The following PRKCA variants were observed in gnomAD, a reference collection of about 807,000 sequenced individuals.
PRKCA encodes protein kinase C alpha type.
In PRKCA, 27 loss-of-function variants were observed where a neutral mutation model predicts 87.0. The ratio of observed to expected loss-of-function variants is 0.31; its 90% CI spans 0.23 to 0.43. The LOEUF is 0.43. PRKCA is among the 20% of genes least tolerant of loss of function. PRKCA has a pLI of 1.00. For synonymous variants in PRKCA, 329 were observed against 311.1 expected, an observed-to-expected ratio of 1.06 and a Z score of -0.61; for missense variants, 518 against 852.3, an observed-to-expected ratio of 0.61 and a Z score of 4.88.
At chr17:66,743,707 G>A (rs1974206440) in intron 13 of PRKCA, among the ~76,000 whole-genome samples, 1 of 152,186 alleles carries the variant, frequency 6.6e-6, no homozygotes, top group Non-Finnish European at 1.5e-5. Context: ...ACCCAGCATG[G>A]TGGAGACCAA....
In PRKCA at chr17:66,798,417, T is replaced by C. The variant is rs1568040754; in HGVS notation, c.1855-5456T>C. 5.3e-4 allele frequency among the ~76,000 whole-genome samples: 57 copies of C among 106,998 alleles called. 2 individuals are homozygous for C. Among genetic ancestry groups the C allele is most frequent in the Non-Finnish European group, 8.4e-4 (42 of 49,928 alleles). The allele number at this position is 106,998 out of a possible 152,430, so 70.2% of individuals were successfully genotyped here. ...GTGGTGGTGGTGGTGATGGTGATGG[T>C]GGTGGTGGTGGTGGTGACGGTGGTG... On this transcript the variant is annotated intron_variant, in intron 16 of 16. Coordinates refer to ENST00000413366, the MANE Select transcript of PRKCA (RefSeq NM_002737.3).
intron 2 of PRKCA, among the ~76,000 whole-genome samples, chr17:66,350,040 G>GA (rs1907644590): frequency 6.6e-6 from 1 of 152,180 alleles, no homozygotes; most frequent in East Asian, 1.9e-4. Flanking sequence ...AATGGGCAGT[G>GA]AAAAAAGATA....
At chr17:66,729,700 C>T (rs1447770113) in intron 8 of PRKCA, among the ~76,000 whole-genome samples, 1 of 151,882 alleles carries the variant, frequency 6.6e-6, no homozygotes, top group Non-Finnish European at 1.5e-5. Flanking sequence ...GTTTTAATGT[C>T]TCTGGTCAAA....
chr17:66,451,411 T>C (rs1914312919), intron 2 of PRKCA, among the ~76,000 whole-genome samples: 1 of 151,956 alleles, frequency 6.6e-6, no homozygotes, highest in South Asian at 2.1e-4. Flanking sequence ...CAGTGGAAGA[T>C]GCTTTTTGAT....
chr17:66,714,096 C>G (rs1048953748), intron 8 of PRKCA, among the ~76,000 whole-genome samples: 1 of 152,208 alleles, frequency 6.6e-6, no homozygotes, highest in African/African-American at 2.4e-5. Context: ...CAAAGCCCAG[C>G]AGTTGCAGCT....
intron 16 of PRKCA, among the ~76,000 whole-genome samples, chr17:66,795,122 T>C (rs1269517792): frequency 1.3e-5 from 2 of 152,202 alleles, no homozygotes; most frequent in African/African-American, 4.8e-5. Context: ...TAATTCCATG[T>C]GTATTTCCTG....
chr17:66,514,197 G>C (rs1352105230), intron 3 of PRKCA, among the ~76,000 whole-genome samples: 1 of 152,134 alleles, frequency 6.6e-6, no homozygotes, highest in Admixed American at 6.6e-5. Flanking sequence ...TATAGGGTTT[G>C]GTACTAGCCA....
intron 8 of PRKCA, among the ~76,000 whole-genome samples, chr17:66,694,140 C>T (rs16960048): frequency 0.01 from 1,566 of 152,196 alleles, 16 homozygotes; most frequent in African/African-American, 0.036. Flanking sequence ...CTTCTCGATT[C>T]AATGGTTTGA....
At chr17:66,425,954 A>T (rs1049366209) in intron 2 of PRKCA, among the ~76,000 whole-genome samples, 2 of 152,178 alleles carry the variant, frequency 1.3e-5, no homozygotes, top group East Asian at 3.9e-4. Flanking sequence ...CTCCGTGACC[A>T]TGCTTTGTGG....
Position 66,488,044 on chromosome 17 carries a change from C to T in PRKCA, c.206-8157C>T, listed in dbSNP as rs73334751. Among the ~76,000 whole-genome samples, 273 of 152,232 alleles carry T rather than the reference C, an allele frequency of 1.8e-3. 1 individual carries two copies. The highest frequency in any genetic ancestry group is 6.3e-3 in the African/African-American group (261 of 41,536). ...GACCATAATGCCCTGTAGCATAAAA[C>T]CCCTGTTTAAACAACATGAAGAGTA... On this transcript the variant is annotated intron_variant, in intron 2 of 16. Transcript: ENST00000413366.
rs200366601 is a variant in PRKCA at position 66,334,037 on chromosome 17, G to C, written c.205+27910G>C. ...AGGCCGAGGTGGGTGGATCACCTGA[G>C]ATCAGGAGTTCAAGACTGGCCTGGC... is the stretch of plus-strand genomic sequence containing the variant. On this transcript the variant is annotated intron_variant, in intron 2 of 16. Coordinates refer to ENST00000413366, the MANE Select transcript of PRKCA (RefSeq NM_002737.3). Among the ~76,000 whole-genome samples the C allele has an allele frequency of 1.9e-4, 29 of 152,272 alleles. No individual in the cohort carries two copies. In the East Asian group the frequency reaches 5.2e-3, roughly 27 times the overall value.
intron 2 of PRKCA, among the ~76,000 whole-genome samples, chr17:66,333,761 AC>A (rs1906493260): frequency 6.6e-6 from 1 of 152,004 alleles, no homozygotes; most frequent in Non-Finnish European, 1.5e-5. Flanking sequence ...GACAGACAGG[AC>A]AAGTAGAAGT....
chr17:66,322,636 A>ATTTTTTTT (rs201655136), intron 2 of PRKCA, among the ~76,000 whole-genome samples: 1 of 122,218 alleles, frequency 8.2e-6, no homozygotes. Context: ...CTAATTTTTA[A>ATTTTTTTT]TTGTTTTTTT....
chr17:66,314,150 AC>A (rs1905194497), intron 2 of PRKCA, among the ~76,000 whole-genome samples: 1 of 152,198 alleles, frequency 6.6e-6, no homozygotes, highest in Non-Finnish European at 1.5e-5. Context: ...CCAAGTGGAA[AC>A]TTTTGGTATG....
At chr17:66,614,304 T>G (rs1970459819) in intron 3 of PRKCA, among the ~76,000 whole-genome samples, 1 of 152,126 alleles carries the variant, frequency 6.6e-6, no homozygotes, top group African/African-American at 2.4e-5. Context: ...ATCTCACAGA[T>G]TTGGGGGCGT....
intron 3 of PRKCA, among the ~76,000 whole-genome samples, chr17:66,589,731 A>C (rs1208183726): frequency 6.6e-6 from 1 of 152,156 alleles, no homozygotes; most frequent in Non-Finnish European, 1.5e-5. Context: ...GGGGATACGA[A>C]GATGATAAGA....
chr17:66,566,479 GGTTTTTTT>G (rs1195020929), intron 3 of PRKCA, among the ~76,000 whole-genome samples: 49 of 74,706 alleles, frequency 6.6e-4, no homozygotes, highest in East Asian at 2.8e-3. Context: ...GTTGTTTTTT[GGTTTTTTT>G]TTTTTTTTTT....
At chr17:66,396,763 A>T (rs1598638158) in intron 2 of PRKCA, among the ~76,000 whole-genome samples, 1 of 149,440 alleles carries the variant, frequency 6.7e-6, no homozygotes, top group African/African-American at 2.5e-5. Context: ...AAAGTAGCTG[A>T]GATTACAGGC....
chr17:66,375,076 T>C (rs1368244709), intron 2 of PRKCA, among the ~76,000 whole-genome samples: 2 of 151,936 alleles, frequency 1.3e-5, no homozygotes, highest in Non-Finnish European at 2.9e-5. Flanking sequence ...CCTTTCTGCA[T>C]GGTATGCAGC....
Sources: allele counts gnomAD v4.1 joint callset (sites outside exome capture counted in the v4.1 genomes callset), GRCh38; gene constraint gnomAD v4.1.1; transcripts MANE v1.5; gene names NCBI Gene and HGNC (gene_info 2026-07-23, HGNC 2026-07-21).